The following DTNA variants were observed in gnomAD, a reference collection of about 807,000 sequenced individuals.
DTNA encodes dystrophin-related protein 3.
Under a neutral mutation model 100.7 loss-of-function variants are expected in DTNA, and 43 were observed. The observed-to-expected ratio is 0.43, with a 90% confidence interval of 0.33 to 0.55. DTNA has a LOEUF of 0.55. Among genes scored for constraint, DTNA ranks in the 20% least tolerant of loss-of-function variants. The pLI is 0.04. For missense variants in DTNA, 798 were observed against 953.9 expected, an observed-to-expected ratio of 0.84 and a Z score of 2.15; for synonymous variants, 349 against 347.9, an observed-to-expected ratio of 1.00 and a Z score of -0.04.
chr18:34,841,148 G>C (rs910468244), intron 13 of DTNA, among the ~76,000 whole-genome samples: 2 of 152,088 alleles, frequency 1.3e-5, no homozygotes, highest in Non-Finnish European at 2.9e-5. Flanking sequence ...TATCATTTTA[G>C]AGAGCTTACC....
At chr18:34,867,205 T>C (rs574384243) in intron 17 of DTNA, 294 of 1,231,352 alleles carry the variant, frequency 2.4e-4, no homozygotes, top group Middle Eastern at 9.3e-4. Flanking sequence ...TTATTCATTA[T>C]GTGTGTTTGT....
intron 3 of DTNA, among the ~76,000 whole-genome samples, chr18:34,784,009 T>C (rs2094429506): frequency 6.6e-6 from 1 of 152,204 alleles, no homozygotes; most frequent in South Asian, 2.1e-4. Flanking sequence ...TTGTGCTCCA[T>C]AGCAGTGGTT....
chr18:34,612,489 G>C (rs912848564), intron 1 of DTNA, among the ~76,000 whole-genome samples: 2 of 152,200 alleles, frequency 1.3e-5, no homozygotes, highest in African/African-American at 4.8e-5. Context: ...GCCCGGGCTA[G>C]AGTCTCAGCC....
chr18:34,550,818 TA>T (rs1411458961), intron 1 of DTNA, among the ~76,000 whole-genome samples: 4 of 152,204 alleles, frequency 2.6e-5, no homozygotes, highest in Non-Finnish European at 5.9e-5. Context: ...AAAATGTCTT[TA>T]AAAGATTATC....
chr18:34,493,640 G>A (rs1258256824), intron 1 of DTNA: 2 of 150,402 alleles, frequency 1.3e-5, no homozygotes, highest in African/African-American at 2.4e-5. Flanking sequence ...CCGGCCGCCC[G>A]GTGCAGAGGA....
At chr18:34,866,885 T>G in intron 17 of DTNA, 2 of 1,085,848 alleles carry the variant, frequency 1.8e-6, no homozygotes, top group Non-Finnish European at 2.2e-6. Flanking sequence ...CTTTTTTTTT[T>G]TTCTGGAAAT....
intron 1 of DTNA, among the ~76,000 whole-genome samples, chr18:34,521,141 A>G (rs1445718818): frequency 1.3e-5 from 2 of 152,088 alleles, no homozygotes; most frequent in African/African-American, 4.8e-5. Flanking sequence ...CCTTTTCCTG[A>G]TACATGCTCC....
intron 1 of DTNA, among the ~76,000 whole-genome samples, chr18:34,668,416 T>G (rs2076255758): frequency 6.6e-6 from 1 of 152,212 alleles, no homozygotes; most frequent in Non-Finnish European, 1.5e-5. Context: ...TTTTTGTGTC[T>G]CTGTCTCCTT....
At chr18:34,852,951 T>C (rs958009616) in intron 15 of DTNA, among the ~76,000 whole-genome samples, 1 of 152,204 alleles carries the variant, frequency 6.6e-6, no homozygotes, top group Non-Finnish European at 1.5e-5. Context: ...TGTTTCTTCG[T>C]TTATTGTCTG....
In DTNA at chr18:34,677,381, C is replaced by A. The variant is rs142974101; in HGVS notation, c.-1-78595C>A. Among the ~76,000 whole-genome samples, 9 of 152,238 alleles carry A rather than the reference C, an allele frequency of 5.9e-5. No individual in the cohort carries two copies. The East Asian group carries it at 1.5e-3, about 26-fold the overall frequency. On this transcript the variant is annotated intron_variant, in intron 1 of 19. Coordinates refer to the DTNA transcript ENST00000283365. ...GACAAAAAAAAAGAAATATGCAAGT[C>A]ATCCTTCCCAAAATTGTCAGGTACA...
At chr18:34,803,629 T>G (rs998797740) in intron 4 of DTNA, among the ~76,000 whole-genome samples, 2 of 152,198 alleles carry the variant, frequency 1.3e-5, no homozygotes, top group African/African-American at 4.8e-5. Context: ...TTGCTAATCT[T>G]CCATACCTTG....
chr18:34,812,740 A>G (rs1408108556), intron 6 of DTNA, among the ~76,000 whole-genome samples: 1 of 152,124 alleles, frequency 6.6e-6, no homozygotes, highest in Non-Finnish European at 1.5e-5. Context: ...AAGCCTTACC[A>G]TATCACCTAC....
At chr18:34,538,410 C>G (rs1313359696) in intron 1 of DTNA, among the ~76,000 whole-genome samples, 1 of 152,004 alleles carries the variant, frequency 6.6e-6, no homozygotes, top group African/African-American at 2.4e-5. Flanking sequence ...GATCCTTTAT[C>G]CTAGTAAAAT....
intron 1 of DTNA, among the ~76,000 whole-genome samples, chr18:34,696,659 C>T (rs2080600813): frequency 6.6e-6 from 1 of 152,160 alleles, no homozygotes; most frequent in South Asian, 2.1e-4. Context: ...CATGCACTGC[C>T]ATTGCCTCAC....
chr18:34,547,447 G>T (rs1390063576), intron 1 of DTNA, among the ~76,000 whole-genome samples: 1 of 152,048 alleles, frequency 6.6e-6, no homozygotes, highest in East Asian at 1.9e-4. Flanking sequence ...TTACTCTATT[G>T]TATGTGTCAC....
At chr18:34,728,866 A>C (rs2087386333) in intron 1 of DTNA, among the ~76,000 whole-genome samples, 1 of 152,178 alleles carries the variant, frequency 6.6e-6, no homozygotes, top group Admixed American at 6.5e-5. Flanking sequence ...GATTTTTCTT[A>C]ATAATTCAAA....
At chr18:34,515,902 A>G (rs1337380670) in intron 1 of DTNA, among the ~76,000 whole-genome samples, 2 of 152,144 alleles carry the variant, frequency 1.3e-5, no homozygotes, top group Admixed American at 6.6e-5. Context: ...AAGCAGAGGT[A>G]TCATTTAGCC....
chr18:34,633,682 C>T (rs1568076410), intron 1 of DTNA, among the ~76,000 whole-genome samples: 1 of 152,202 alleles, frequency 6.6e-6, no homozygotes, highest in African/African-American at 2.4e-5. Context: ...CACTCACACA[C>T]ATGCCACATT....
chr18:34,884,622 C>A, intron 21 of DTNA, 106 bp from the exon 22 acceptor site: 1 of 1,204,302 alleles, frequency 8.3e-7, no homozygotes, highest in Non-Finnish European at 1.2e-6. Context: ...GACTCTCTCT[C>A]TCTCTGTGTC....
Sources: allele counts gnomAD v4.1 joint callset (sites outside exome capture counted in the v4.1 genomes callset), GRCh38; gene constraint gnomAD v4.1.1; transcripts MANE v1.5; gene names NCBI Gene and HGNC (gene_info 2026-07-23, HGNC 2026-07-21).